The following PPP1R7 variants were observed in gnomAD, a reference collection of about 807,000 sequenced individuals.
The protein encoded by PPP1R7 is protein phosphatase 1 regulatory subunit 7.
A neutral mutation model predicts 45.2 loss-of-function variants in PPP1R7; 18 were observed. That is an observed-to-expected ratio of 0.40 (90% CI 0.28 to 0.59). The LOEUF is 0.59. Among genes scored for constraint, PPP1R7 ranks in the 20% least tolerant of loss-of-function variants. The probability of loss-of-function intolerance (pLI) is 0.46; values close to 1 mark genes in which losing one functional copy is unlikely to be tolerated. For synonymous variants in PPP1R7, 181 were observed against 183.4 expected (o/e 0.99, Z 0.11); for missense variants, 314 against 455.8 (o/e 0.69, Z 2.83).
At chr2:241,174,512 C>T (rs530756334) in intron 9 of PPP1R7, among the ~76,000 whole-genome samples, 33 of 152,138 alleles carry the variant, frequency 2.2e-4, no homozygotes, top group African/African-American at 7.5e-4. Context: ...GTGTGGCCAC[C>T]AGGCTCTGCT....
chr2:241,151,416 A>C lies in PPP1R7; in HGVS notation c.52+869A>C. The C allele has an allele frequency of 8.5e-6, 4 of 470,466 alleles. No individual in the cohort carries two copies. The Admixed American group carries it at 9.4e-5, about 11-fold the overall frequency. The allele number at this position is 470,466 out of a possible 1,614,324, so 29.1% of individuals were successfully genotyped here. On this transcript the variant is annotated intron_variant, in intron 1 of 9. Coordinates refer to ENST00000234038, the MANE Select transcript of PPP1R7 (RefSeq NM_002712.3). The stretch of plus-strand genomic sequence containing the variant: ...GTGCAGCAGGAAGGCCTGACATGTT[A>C]GGGAGTGGTGACAGCTGCAGAAGCA...
At position 241,177,092 on chromosome 2, in the gene PPP1R7, G is replaced by A. The variant is rs573889073; in HGVS notation, c.907-5555G>A. Among the ~76,000 whole-genome samples, 61 of 152,308 alleles carry A rather than the reference G, an allele frequency of 4.0e-4. 1 individual carries two copies. Among genetic ancestry groups the A allele is most frequent in the African/African-American group, 1.3e-3 (56 of 41,580 alleles). On this transcript the variant is annotated intron_variant, in intron 9 of 9. Transcript: ENST00000234038. ...CTAAAAATACAAAAATGAGCCAGGC[G>A]TGGCGGCATGCACCTATAGTCTCAG...
intron 6 of PPP1R7, among the ~76,000 whole-genome samples, chr2:241,161,391 C>T (rs1275122694): frequency 1.4e-5 from 2 of 143,034 alleles, no homozygotes; most frequent in Non-Finnish European, 3.1e-5. Context: ...TCATGGTCAT[C>T]TTCTCTGGCA....
At chr2:241,166,480 T>C (rs936977509) in intron 8 of PPP1R7, 39 bp downstream of exon 8, 6 of 1,588,670 alleles carry the variant, frequency 3.8e-6, no homozygotes, top group African/African-American at 1.3e-5. Flanking sequence ...GTGTGGGCGG[T>C]GGGCACCAGG....
chr2:241,164,008 C>T (rs956834710), intron 7 of PPP1R7, among the ~76,000 whole-genome samples: 5 of 152,130 alleles, frequency 3.3e-5, no homozygotes, highest in Non-Finnish European at 5.9e-5. Flanking sequence ...CCTCACACTC[C>T]TAGGCTCAAG....
At chr2:241,173,269 CAAAAAAA>C (rs540011262) in intron 9 of PPP1R7, among the ~76,000 whole-genome samples, 2 of 90,674 alleles carry the variant, frequency 2.2e-5, no homozygotes, top group African/African-American at 5.9e-5. Context: ...AAGACTTTCT[CAAAAAAA>C]AAAAAAAAAA....
chr2:241,168,115 C>T (rs1007950658), intron 8 of PPP1R7, among the ~76,000 whole-genome samples: 4 of 152,214 alleles, frequency 2.6e-5, no homozygotes, highest in African/African-American at 9.7e-5. Flanking sequence ...GCCTGCTCTC[C>T]TCACCCTGTT....
intron 8 of PPP1R7, among the ~76,000 whole-genome samples, chr2:241,169,122 T>A (rs897742422): frequency 6.6e-6 from 1 of 152,212 alleles, no homozygotes; most frequent in Non-Finnish European, 1.5e-5. Context: ...AACACACTCT[T>A]GTCTCCCAGT....
At chr2:241,149,648 T>G, upstream of PPP1R7, 8 of 1,541,114 alleles carry the variant, frequency 5.2e-6, no homozygotes, top group Non-Finnish European at 7.0e-6. Flanking sequence ...AAAGGAATAA[T>G]GGGCGCCTCC....
At chr2:241,169,209 T>C (rs965880682) in intron 8 of PPP1R7, among the ~76,000 whole-genome samples, 31 of 152,190 alleles carry the variant, frequency 2.0e-4, no homozygotes, top group Admixed American at 2.0e-3. Context: ...TCTGCACTTA[T>C]GCTCCCGGGA....
At chr2:241,152,649 G>A (rs189620562) in intron 1 of PPP1R7, among the ~76,000 whole-genome samples, 3 of 152,312 alleles carry the variant, frequency 2.0e-5, no homozygotes, top group Admixed American at 2.0e-4. Context: ...TCTCTTTGTA[G>A]ATAAACCATA....
At chr2:241,181,835 T>C (rs1248350264) in intron 9 of PPP1R7, among the ~76,000 whole-genome samples, 1 of 152,112 alleles carries the variant, frequency 6.6e-6, no homozygotes, top group African/African-American at 2.4e-5. Context: ...CCACCGCGGT[T>C]TGCCTGGCAG....
intron 9 of PPP1R7, among the ~76,000 whole-genome samples, chr2:241,180,443 T>C (rs2067983092): frequency 6.6e-6 from 1 of 151,114 alleles, no homozygotes; most frequent in African/African-American, 2.4e-5. Context: ...TCAAAATGTT[T>C]TTAAGCTTAC....
chr2:241,163,433 G>C, intron 7 of PPP1R7, 32 bp downstream of exon 7: 3 of 1,481,512 alleles, frequency 2.0e-6, no homozygotes, highest in Non-Finnish European at 2.8e-6. Context: ...CCTTCCCTGC[G>C]AGCCCTGGCA....
chr2:241,168,292 C>T (rs914402605), intron 8 of PPP1R7, among the ~76,000 whole-genome samples: 5 of 152,272 alleles, frequency 3.3e-5, no homozygotes, highest in African/African-American at 7.2e-5. Context: ...AGCCCACCAC[C>T]GGCTCTGCCC....
chr2:241,150,279 C>G (rs1575371222), upstream of PPP1R7: 2 of 1,319,224 alleles, frequency 1.5e-6, no homozygotes, highest in Non-Finnish European at 1.9e-6. Context: ...CCAGACTGTT[C>G]CGGCTCCGCC....
Position 241,160,365 on chromosome 2 carries a change from C to T in PPP1R7, c.468C>T (p.Asn156=). The T allele has an allele frequency of 1.2e-6, 2 of 1,608,266 alleles. No homozygotes were observed. The highest frequency in any genetic ancestry group is 1.7e-6 in the Non-Finnish European group (2 of 1,178,450). ...ATATTTCTTTTAATCTGCTGAGAAA[C>T]ATCGAAGGGGTTGACAAGTTGACAC... The part of the protein sequence containing the change: ...ILDISFNLLR[N]IEGVDKLTRL... The change falls in exon 6 of 10, where the codon AAC becomes AAT. Residue 156 remains asparagine, a synonymous_variant. Transcript: ENST00000234038.
rs1397905445 is a variant in PPP1R7, at chr2:241,158,536, T to A, written c.290T>A (p.Leu97Gln). 9.3e-6 allele frequency: 15 copies of A among 1,613,592 alleles called. No homozygotes were observed. The highest frequency in any genetic ancestry group is 1.3e-5 in the Non-Finnish European group (15 of 1,179,450). The stretch of plus-strand genomic sequence containing the variant: ...GGGAAGATTGAAGGATTTGAGGTAC[T>A]GAAGAAAGTGAAGGTGAGAGGGACT... ...RIGKIEGFEV[L>Q]KKVKTLCLRQ... Residue 97 changes from leucine (L) to glutamine (Q), a missense_variant, in exon 4 of 10, where the codon CTG (leucine) becomes CAG (glutamine). By Grantham distance (113) the Leu-to-Gln change is moderately radical. Coordinates refer to ENST00000234038, the MANE Select transcript of PPP1R7 (RefSeq NM_002712.3).
chr2:241,157,076 C>T (rs931913988), intron 2 of PPP1R7, among the ~76,000 whole-genome samples: 1 of 152,164 alleles, frequency 6.6e-6, no homozygotes, highest in African/African-American at 2.4e-5. Flanking sequence ...GTCGCCTCAG[C>T]AGGGAGAGCA....
Sources: allele counts gnomAD v4.1 joint callset (sites outside exome capture counted in the v4.1 genomes callset), GRCh38; gene constraint gnomAD v4.1.1; transcripts MANE v1.5; gene names NCBI Gene and HGNC (gene_info 2026-07-23, HGNC 2026-07-21).